The following KLF12 variants were observed in gnomAD, a reference collection of about 807,000 sequenced individuals.
KLF12 encodes KLF transcription factor 12.
Under a neutral mutation model 37.8 loss-of-function variants are expected in KLF12, and 9 were observed. The ratio of observed to expected loss-of-function variants is 0.24; its 90% CI spans 0.14 to 0.42. The LOEUF is 0.42. KLF12 is among the 10% of genes least tolerant of loss of function. The pLI, the probability that KLF12 is intolerant of heterozygous loss-of-function variation, is 1.00. For missense variants in KLF12, 411 were observed against 516.0 expected (o/e 0.80, Z 1.97); for synonymous variants, 208 against 202.1 (o/e 1.03, Z -0.25).
chr13:74,249,893 G>T, the KLF12 span, among the ~76,000 whole-genome samples: 7 of 152,286 alleles, frequency 4.6e-5, no homozygotes, highest in Admixed American at 3.9e-4. Context: ...CAGGGCAGCA[G>T]GTGGGAACTG....
At chr13:73,955,464 T>C (rs1890802627) in intron 2 of KLF12, among the ~76,000 whole-genome samples, 1 of 152,202 alleles carries the variant, frequency 6.6e-6, no homozygotes, top group African/African-American at 2.4e-5. Context: ...AGCAATGAAT[T>C]ATTTTATCTG....
intron 4 of KLF12, among the ~76,000 whole-genome samples, chr13:73,831,827 A>C (rs1884177836): frequency 6.6e-6 from 1 of 152,240 alleles, no homozygotes; most frequent in African/African-American, 2.4e-5. Context: ...TCTTTCAGTA[A>C]CAAAATCTAC....
chr13:74,223,137 A>C, the KLF12 span, among the ~76,000 whole-genome samples: 5 of 152,242 alleles, frequency 3.3e-5, no homozygotes, highest in Non-Finnish European at 5.9e-5. Flanking sequence ...GGCTTAATTT[A>C]GTTGGCTAGG....
At chr13:73,897,599 G>C (rs1157507244) in intron 3 of KLF12, among the ~76,000 whole-genome samples, 2 of 151,918 alleles carry the variant, frequency 1.3e-5, no homozygotes, top group African/African-American at 4.8e-5. Flanking sequence ...TTTAAATGTT[G>C]GCTATTTCAT....
intron 1 of KLF12, among the ~76,000 whole-genome samples, chr13:74,006,343 T>A (rs1892407701): frequency 6.6e-6 from 1 of 152,156 alleles, no homozygotes; most frequent in South Asian, 2.1e-4. Flanking sequence ...TCCAAGAGCC[T>A]CCCTAACTTT....
the KLF12 span, among the ~76,000 whole-genome samples, chr13:74,143,202 T>C: frequency 6.6e-6 from 1 of 151,844 alleles, no homozygotes; most frequent in African/African-American, 2.4e-5. Context: ...CCCTCTTTCT[T>C]ACTCTCTCTC....
intron 4 of KLF12, among the ~76,000 whole-genome samples, chr13:73,822,222 T>A (rs1883568170): frequency 6.6e-6 from 1 of 152,242 alleles, no homozygotes; most frequent in South Asian, 2.1e-4. Context: ...AAAGTCACAA[T>A]CATTAAATTT....
chr13:73,761,857 G>A (rs1263239657), intron 6 of KLF12, among the ~76,000 whole-genome samples: 2 of 152,158 alleles, frequency 1.3e-5, no homozygotes, highest in African/African-American at 2.4e-5. Context: ...TTAGGGACAA[G>A]GGTGAAGGTA....
chr13:73,795,947 G>A (rs1419287324), intron 5 of KLF12, among the ~76,000 whole-genome samples: 4 of 152,146 alleles, frequency 2.6e-5, no homozygotes, highest in Non-Finnish European at 5.9e-5. Flanking sequence ...CAGAGAGGAG[G>A]AGATAAAAAT....
the KLF12 span, among the ~76,000 whole-genome samples, chr13:74,147,317 C>G: frequency 6.6e-6 from 1 of 152,164 alleles, no homozygotes; most frequent in African/African-American, 2.4e-5. Context: ...GAACACTGTT[C>G]TGTAGAATGC....
chr13:74,028,193 T>A (rs1893026742), intron 1 of KLF12, among the ~76,000 whole-genome samples: 1 of 152,064 alleles, frequency 6.6e-6, no homozygotes, highest in Non-Finnish European at 1.5e-5. Flanking sequence ...AGATTAATCC[T>A]ACAACAACAA....
chr13:73,841,336 C>CG (rs1884723413), intron 4 of KLF12, among the ~76,000 whole-genome samples: 1 of 152,032 alleles, frequency 6.6e-6, no homozygotes, highest in African/African-American at 2.4e-5. Flanking sequence ...TGGGCCACAA[C>CG]GGAAGAAGAA....
At chr13:73,844,389 C>T (rs1428521748) in intron 4 of KLF12, among the ~76,000 whole-genome samples, 1 of 152,162 alleles carries the variant, frequency 6.6e-6, no homozygotes, top group African/African-American at 2.4e-5. Flanking sequence ...TGAAAAGTTT[C>T]CCTAATTCCT....
intron 5 of KLF12, among the ~76,000 whole-genome samples, chr13:73,773,739 C>T (rs568739762): frequency 7.5e-4 from 114 of 152,274 alleles, no homozygotes; most frequent in African/African-American, 2.4e-3. Flanking sequence ...AATCTCAACA[C>T]GGCCCGAATG....
At chr13:74,199,555 A>C in the KLF12 span, among the ~76,000 whole-genome samples, 2 of 152,224 alleles carry the variant, frequency 1.3e-5, no homozygotes, top group Admixed American at 1.3e-4. Flanking sequence ...AGAATATTAC[A>C]TCTCAAATAT....
intron 2 of KLF12, among the ~76,000 whole-genome samples, chr13:73,957,067 AAAGGAAAGGAAAGGAAAGGAAAGGAAAG>A (rs1890865676): frequency 2.2e-5 from 3 of 135,888 alleles, no homozygotes; most frequent in South Asian, 5.3e-4. Context: ...AAAGGAAAGG[AAAGGAAAGGAAAGGAAAGGAAAGGAAAG>A]GAAAGGAAAG....
chr13:73,797,125 A>G (rs1184579091), intron 5 of KLF12, among the ~76,000 whole-genome samples: 1 of 152,192 alleles, frequency 6.6e-6, no homozygotes, highest in Admixed American at 6.5e-5. Context: ...CACCTTTAAA[A>G]TAAGTGTTTT....
Position 73,907,134 on chromosome 13 carries a change from C to A in KLF12, c.123+36847G>T, listed in dbSNP as rs543276846. Among the ~76,000 whole-genome samples the A allele has an allele frequency of 3.7e-4, 56 of 152,282 alleles. No individual in the cohort carries two copies. The South Asian group carries it at 0.012, about 32-fold the overall frequency. On this transcript the variant is annotated intron_variant, in intron 3 of 7. Transcript: ENST00000377669. ...AAGATATGGTTGTGAAAAGATACAT[C>A]ATTGAATGCAAAGTCCATATTATTT...
At chr13:74,296,964 C>G in the KLF12 span, among the ~76,000 whole-genome samples, 1 of 152,166 alleles carries the variant, frequency 6.6e-6, no homozygotes, top group African/African-American at 2.4e-5. Context: ...GCTTGATGAG[C>G]AGTTGTGATC....
Sources: allele counts gnomAD v4.1 joint callset (sites outside exome capture counted in the v4.1 genomes callset), GRCh38; gene constraint gnomAD v4.1.1; transcripts MANE v1.5; gene names NCBI Gene and HGNC (gene_info 2026-07-23, HGNC 2026-07-21).